Variants in GRM8 observed in about 807,000 individuals in gnomAD.
GRM8 encodes the protein metabotropic glutamate receptor 8.
In GRM8, 47 loss-of-function variants were observed where a neutral mutation model predicts 87.2. The ratio of observed to expected loss-of-function variants is 0.54; its 90% CI spans 0.43 to 0.69. The LOEUF is 0.69. GRM8 is among the 30% of genes least tolerant of loss of function. The pLI is 0.00. For missense variants in GRM8, 1,019 were observed against 1,139.2 expected (o/e 0.89, Z 1.52); for synonymous variants, 396 against 404.5 (o/e 0.98, Z 0.25).
chr7:126,609,938 T>G (rs1026226690), intron 7 of GRM8, among the ~76,000 whole-genome samples: 5 of 152,156 alleles, frequency 3.3e-5, no homozygotes, highest in Non-Finnish European at 7.4e-5. Context: ...GAGTTTTGCT[T>G]TTTCCAAACT....
At chr7:126,467,439 CT>C (rs1804630339) in intron 9 of GRM8, among the ~76,000 whole-genome samples, 1 of 151,998 alleles carries the variant, frequency 6.6e-6, no homozygotes, top group East Asian at 1.9e-4. Flanking sequence ...AGGCTTCATG[CT>C]TTTTTCATAT....
Position 127,079,190 on chromosome 7 carries a change from C to T in GRM8, c.727+27306G>A, listed in dbSNP as rs148427790. Among the ~76,000 whole-genome samples, 24 of 152,062 alleles carry T rather than the reference C, an allele frequency of 1.6e-4. No individual in the cohort carries two copies. In the East Asian group the frequency reaches 3.1e-3, roughly 20 times the overall value. ...GGCTGGAGTGCAGTGGTATGATCTCCGCTTACTGCAACCTCTCTGCCTCCC... is the reference window on the plus strand; with the variant it reads ...GGCTGGAGTGCAGTGGTATGATCTCTGCTTACTGCAACCTCTCTGCCTCCC... On this transcript the variant is annotated intron_variant, in intron 3 of 10. Coordinates refer to ENST00000339582, the MANE Select transcript of GRM8 (RefSeq NM_000845.3).
intron 7 of GRM8, among the ~76,000 whole-genome samples, chr7:126,740,070 C>G (rs1030331413): frequency 6.6e-6 from 1 of 152,084 alleles, no homozygotes; most frequent in Admixed American, 6.6e-5. Context: ...GTATCAATAA[C>G]TATAATGGTC....
intron 6 of GRM8, among the ~76,000 whole-genome samples, chr7:126,790,013 C>CTTT (rs566817323): frequency 0.013 from 1,840 of 146,140 alleles, 32 homozygotes; most frequent in African/African-American, 0.043. Flanking sequence ...TTCTCTCTCT[C>CTTT]TTTTTTTTTT....
At chr7:127,059,267 C>T (rs28951082) in intron 3 of GRM8, among the ~76,000 whole-genome samples, 1 of 151,314 alleles carries the variant, frequency 6.6e-6, no homozygotes, top group East Asian at 1.9e-4. Context: ...AAGTATTAGA[C>T]TAAATCCGTC....
chr7:127,097,417 G>C (rs570801370), intron 3 of GRM8, among the ~76,000 whole-genome samples: 1 of 152,164 alleles, frequency 6.6e-6, no homozygotes, highest in Admixed American at 6.5e-5. Flanking sequence ...GAGGTGGTCA[G>C]GAGTCATTCG....
chr7:127,167,165 A>G (rs183745100), intron 2 of GRM8, among the ~76,000 whole-genome samples: 4 of 152,288 alleles, frequency 2.6e-5, no homozygotes, highest in Admixed American at 6.5e-5. Flanking sequence ...GTCTGTAGAG[A>G]ATTTACAAAC....
intron 3 of GRM8, among the ~76,000 whole-genome samples, chr7:126,935,409 A>G (rs1806210623): frequency 6.6e-6 from 1 of 152,230 alleles, no homozygotes; most frequent in African/African-American, 2.4e-5. Context: ...ATACCATGGT[A>G]GAGTCTGCAA....
chr7:126,650,667 A>G (rs992164885), intron 7 of GRM8, among the ~76,000 whole-genome samples: 4 of 151,840 alleles, frequency 2.6e-5, no homozygotes, highest in South Asian at 2.1e-4. Flanking sequence ...ATGTGAATAG[A>G]CCTCTCTGAG....
chr7:126,503,986 C>CA lies in GRM8; in HGVS notation c.2430+28965dup, dbSNP rs535520223. Among the ~76,000 whole-genome samples, 123 of 152,122 alleles carry CA rather than the reference C, an allele frequency of 8.1e-4. 1 individual carries two copies. Among genetic ancestry groups the CA allele is most frequent in the African/African-American group, 2.8e-3 (115 of 41,564 alleles). On this transcript the variant is annotated intron_variant, in intron 9 of 10. Coordinates refer to ENST00000339582, the MANE Select transcript of GRM8 (RefSeq NM_000845.3). ...CAGTCTTTGCATGAATTAAAACAAA[C>CA]AAAAAATAACTTCTGTTCTTACGAG...
At chr7:126,632,185 G>GA (rs34212565) in intron 7 of GRM8, among the ~76,000 whole-genome samples, 1 of 151,858 alleles carries the variant, frequency 6.6e-6, no homozygotes, top group Non-Finnish European at 1.5e-5. Flanking sequence ...AAATTTATAA[G>GA]AAAAAAACAA....
intron 8 of GRM8, among the ~76,000 whole-genome samples, chr7:126,538,632 A>T (rs560041529): frequency 1.9e-4 from 29 of 152,156 alleles, no homozygotes; most frequent in African/African-American, 6.7e-4. Context: ...GTTAATTATT[A>T]TTAATTAATA....
chr7:126,686,914 C>T (rs1808252354), intron 7 of GRM8, among the ~76,000 whole-genome samples: 1 of 152,234 alleles, frequency 6.6e-6, no homozygotes, highest in Non-Finnish European at 1.5e-5. Context: ...AAAACCAGCC[C>T]AGGAATTATT....
At chr7:127,245,232 A>G (rs989301123) in intron 1 of GRM8, among the ~76,000 whole-genome samples, 3 of 152,266 alleles carry the variant, frequency 2.0e-5, no homozygotes, top group Non-Finnish European at 4.4e-5. Flanking sequence ...TCACAAGGAA[A>G]ACCAGTCACA....
At chr7:126,702,678 A>G (rs1158560223) in intron 7 of GRM8, among the ~76,000 whole-genome samples, 1 of 152,132 alleles carries the variant, frequency 6.6e-6, no homozygotes, top group Admixed American at 6.6e-5. Flanking sequence ...CTAACTCCCC[A>G]GCTTCCTGAT....
At chr7:126,497,942 A>C (rs1809026155) in intron 9 of GRM8, among the ~76,000 whole-genome samples, 2 of 151,974 alleles carry the variant, frequency 1.3e-5, no homozygotes, top group Admixed American at 1.3e-4. Flanking sequence ...CATAAAGTGC[A>C]AGGGAATAAT....
At chr7:126,896,195 A>G (rs1801524971) in intron 6 of GRM8, among the ~76,000 whole-genome samples, 1 of 151,002 alleles carries the variant, frequency 6.6e-6, no homozygotes. Context: ...AGTATGTCTG[A>G]AATCAATGCC....
chr7:126,552,598 A>G (rs552265202), intron 8 of GRM8, among the ~76,000 whole-genome samples: 87 of 152,276 alleles, frequency 5.7e-4, no homozygotes, highest in Non-Finnish European at 6.2e-4. Context: ...ATATCCAGTT[A>G]ACCTAACTCT....
chr7:126,498,760 G>C (rs986243859), intron 9 of GRM8, among the ~76,000 whole-genome samples: 4 of 151,948 alleles, frequency 2.6e-5, no homozygotes, highest in African/African-American at 9.7e-5. Context: ...ACCTGTAAAA[G>C]ACAAGCTCTA....
Sources: gnomAD v4.1 joint callset for allele counts (sites outside exome capture counted in the v4.1 genomes callset) on GRCh38, gnomAD v4.1.1 for gene constraint, MANE v1.5 for transcripts, NCBI Gene and HGNC (gene_info 2026-07-23, HGNC 2026-07-21) for gene names.